TMEM50B: variants seen among roughly 807,000 people sequenced by gnomAD.
TMEM50B encodes transmembrane protein 50B, also known as HCV p7-trans-regulated protein 3.
In TMEM50B, 14 loss-of-function variants were observed where a neutral mutation model predicts 23.4. The ratio of observed to expected loss-of-function variants is 0.60; its 90% CI spans 0.39 to 0.93. The LOEUF is 0.93. Among genes scored for constraint, TMEM50B ranks in the 40% least tolerant of loss-of-function variants. The pLI is 0.00. For missense variants in TMEM50B, 159 were observed against 193.0 expected, an observed-to-expected ratio of 0.82 and a Z score of 1.04; for synonymous variants, 64 against 62.3, an observed-to-expected ratio of 1.03 and a Z score of -0.13.
intron 1 of TMEM50B, among the ~76,000 whole-genome samples, chr21:33,473,807 A>G (rs184723929): frequency 6.6e-6 from 1 of 152,332 alleles, no homozygotes; most frequent in African/African-American, 2.4e-5. Context: ...CAACGAATGG[A>G]TAAATAAAAC....
At chr21:33,457,556 C>A (rs1218766049) in intron 5 of TMEM50B, among the ~76,000 whole-genome samples, 1 of 150,474 alleles carries the variant, frequency 6.6e-6, no homozygotes, top group African/African-American at 2.4e-5. Context: ...GAAGCTGAGG[C>A]AGGAGAATCG....
intron 8 of TMEM50B, among the ~76,000 whole-genome samples, chr21:33,438,919 G>A (rs1475202086): frequency 6.6e-6 from 1 of 151,918 alleles, no homozygotes; most frequent in Non-Finnish European, 1.5e-5. Context: ...TAGTAGAGAT[G>A]GGGTTTCACC....
chr21:33,456,371 C>T (rs1345620836), intron 5 of TMEM50B, among the ~76,000 whole-genome samples: 1 of 152,126 alleles, frequency 6.6e-6, no homozygotes, highest in East Asian at 1.9e-4. Flanking sequence ...GCTCTCAATC[C>T]AGGAGTTTTA....
intron 5 of TMEM50B, among the ~76,000 whole-genome samples, chr21:33,459,105 T>C (rs1601120912): frequency 2.0e-5 from 3 of 152,266 alleles, no homozygotes; most frequent in African/African-American, 2.4e-5. Context: ...GATGAATAAA[T>C]TGCGTTCTCT....
At chr21:33,475,690 T>C (rs898266095) in intron 1 of TMEM50B, among the ~76,000 whole-genome samples, 5 of 151,308 alleles carry the variant, frequency 3.3e-5, no homozygotes, top group Non-Finnish European at 7.4e-5. Context: ...TGCGGTGGCT[T>C]ACTCCTGTAA....
chr21:33,464,804 C>CAAAAAAAAAAAAAAAAAAA lies in TMEM50B; in HGVS notation c.280+519_280+537dup, dbSNP rs59855166. 2.4e-3 allele frequency among the ~76,000 whole-genome samples: 241 copies of CAAAAAAAAAAAAAAAAAAA among 100,780 alleles called. 3 individuals carry two copies. The highest frequency in any genetic ancestry group is 4.3e-3 in the East Asian group (16 of 3,718). 66.1% of individuals were successfully genotyped at this position (100,780 alleles called of 152,430 possible). Reference sequence around the variant, plus strand: ...GGGAAAGAAGAGCTAAACTCCGTCTCAAAAAAAAAAAAAAAAAAAACAAAA... The same window carrying CAAAAAAAAAAAAAAAAAAA: ...GGGAAAGAAGAGCTAAACTCCGTCTCAAAAAAAAAAAAAAAAAAAAAAAAAAAAAAAAAAAAAAACAAAA... On this transcript the variant is annotated intron_variant, in intron 4 of 6. Coordinates refer to ENST00000542230, the MANE Select transcript of TMEM50B (RefSeq NM_006134.7).
downstream of TMEM50B, chr21:33,449,063 G>C (rs1023302064): frequency 6.6e-6 from 1 of 152,026 alleles, no homozygotes; most frequent in Non-Finnish European, 1.5e-5. Flanking sequence ...CTTTAATTGG[G>C]TATACTTGAA....
At chr21:33,442,927 A>C (rs1601105157) in intron 7 of TMEM50B, among the ~76,000 whole-genome samples, 1 of 152,256 alleles carries the variant, frequency 6.6e-6, no homozygotes, top group Middle Eastern at 3.4e-3. Flanking sequence ...TCTCAAAAAA[A>C]AAAACAAAAC....
chr21:33,434,722 T>C (rs1026031876), intron 8 of TMEM50B, among the ~76,000 whole-genome samples: 1 of 152,112 alleles, frequency 6.6e-6, no homozygotes, highest in African/African-American at 2.4e-5. Context: ...TCTGCCATGA[T>C]GTATTGTAGG....
intron 7 of TMEM50B, among the ~76,000 whole-genome samples, chr21:33,440,425 T>C (rs1466855046): frequency 6.6e-6 from 1 of 151,730 alleles, no homozygotes; most frequent in African/African-American, 2.4e-5. Flanking sequence ...CCGTCTCTAC[T>C]AAAAATACAA....
At chr21:33,463,197 CAGA>C (rs2084232910) in intron 4 of TMEM50B, among the ~76,000 whole-genome samples, 1 of 152,034 alleles carries the variant, frequency 6.6e-6, no homozygotes, top group African/African-American at 2.4e-5. Flanking sequence ...GAGGCTGAGG[CAGA>C]AGAATTGCTT....
At chr21:33,477,372 C>T (rs1258742471) in intron 1 of TMEM50B, among the ~76,000 whole-genome samples, 1 of 151,902 alleles carries the variant, frequency 6.6e-6, no homozygotes, top group East Asian at 1.9e-4. Context: ...TCATCAGTTG[C>T]CGAGCAATAT....
intron 6 of TMEM50B, among the ~76,000 whole-genome samples, chr21:33,452,236 T>G (rs540608976): frequency 4.6e-5 from 7 of 152,300 alleles, no homozygotes; most frequent in Admixed American, 2.0e-4. Flanking sequence ...CTGCCAAACA[T>G]CTTTCAAAAC....
intron 1 of TMEM50B, chr21:33,478,656 T>C (rs975444861): frequency 2.4e-5 from 10 of 420,404 alleles, no homozygotes; most frequent in Non-Finnish European, 4.3e-5. Flanking sequence ...CGTCCCCACC[T>C]CACTCTAATT....
At chr21:33,450,995 G>T in intron 6 of TMEM50B, 132 bp from the exon 7 acceptor site, 1 of 679,746 alleles carries the variant, frequency 1.5e-6, no homozygotes, top group Non-Finnish European at 2.5e-6. Context: ...TAGACATCAT[G>T]GCAGTGTTGG....
rs3057402 is a variant in TMEM50B, at chr21:33,468,066, T to TAAA, written c.99+718_99+720dup. ...ACAACATAGCAAGACCTCGTCTCTT[T>TAAA]AAAAAAAAAAAAAAAAGTGCGGACA... is the stretch of plus-strand genomic sequence containing the variant. On this transcript the variant is annotated intron_variant, in intron 2 of 6. Transcript: ENST00000542230. 8.4e-5 allele frequency among the ~76,000 whole-genome samples: 11 copies of TAAA among 131,430 alleles called. 2 individuals are homozygous for TAAA. Among genetic ancestry groups the TAAA allele is most frequent in the Non-Finnish European group, 1.4e-4 (9 of 62,986 alleles). The allele number at this position is 131,430 out of a possible 152,430, so 86.2% of individuals were successfully genotyped here.
intron 1 of TMEM50B, chr21:33,478,789 T>C (rs1007013126): frequency 1.5e-5 from 7 of 470,974 alleles, no homozygotes; most frequent in Admixed American, 1.2e-4. Context: ...ACGTTTGAAA[T>C]GCATGCAGGT....
At chr21:33,460,829 T>C (rs2084211287) in intron 4 of TMEM50B, among the ~76,000 whole-genome samples, 2 of 152,236 alleles carry the variant, frequency 1.3e-5, no homozygotes, top group South Asian at 2.1e-4. Context: ...GTATTCTGGA[T>C]AGCCATCACC....
At chr21:33,452,356 A>G (rs2084129707) in intron 6 of TMEM50B, among the ~76,000 whole-genome samples, 1 of 152,194 alleles carries the variant, frequency 6.6e-6, no homozygotes, top group African/African-American at 2.4e-5. Context: ...AGCCACACAG[A>G]GGGAACGCAG....
Sources: gnomAD v4.1 joint callset for allele counts (sites outside exome capture counted in the v4.1 genomes callset) on GRCh38, gnomAD v4.1.1 for gene constraint, MANE v1.5 for transcripts, NCBI Gene and HGNC (gene_info 2026-07-23, HGNC 2026-07-21) for gene names.